The following ODAPH variants were observed in gnomAD, a reference collection of about 807,000 sequenced individuals.
ODAPH encodes the protein odontogenesis associated phosphoprotein.
Under a neutral mutation model 2.8 loss-of-function variants are expected in ODAPH, and 2 were observed. The observed-to-expected ratio is 0.72, with a 90% CI of 0.30 to 2.28. The LOEUF (loss-of-function observed/expected upper bound fraction) is 2.28. ODAPH is among the 30% of genes most tolerant of loss of function. ODAPH has a pLI of 0.13. For synonymous variants in ODAPH, 75 were observed against 60.3 expected, an observed-to-expected ratio of 1.24 and a Z score of -1.13; for missense variants, 159 against 163.3, an observed-to-expected ratio of 0.97 and a Z score of 0.14.
chr4:75,558,523 AAAG>A (rs931559890), intron 1 of ODAPH, among the ~76,000 whole-genome samples: 12 of 152,026 alleles, frequency 7.9e-5, no homozygotes, highest in African/African-American at 2.7e-4. Context: ...AAAAAAAAAA[AAAG>A]GTCTTTCATC....
At chr4:75,563,858 G>T (rs972393607) in intron 1 of ODAPH, among the ~76,000 whole-genome samples, 3 of 152,072 alleles carry the variant, frequency 2.0e-5, no homozygotes, top group African/African-American at 7.2e-5. Context: ...TATGAATAAG[G>T]CTACTGTGAA....
rs141145591 is a variant in ODAPH at position 75,556,713 on chromosome 4, T to A, written c.67+564T>A. 1.8e-5 allele frequency: 13 copies of A among 712,074 alleles called. No individual in the cohort carries two copies. The Middle Eastern group carries it at 8.1e-4, about 45-fold the overall frequency. 44.1% of individuals were successfully genotyped at this position (712,074 alleles called of 1,614,324 possible). ...AGATTCCATTTCTCAACTGTTCCTATTCTCTTTCTTTGTTCCCACTACAAA... is the reference window on the plus strand; with the variant it reads ...AGATTCCATTTCTCAACTGTTCCTAATCTCTTTCTTTGTTCCCACTACAAA... On this transcript the variant is annotated intron_variant, in intron 1 of 1. Coordinates refer to ENST00000311623, the MANE Select transcript of ODAPH (RefSeq NM_178497.5).
Position 75,564,624 on chromosome 4 carries a change from T to C in ODAPH, c.*185T>C. On this transcript the variant is annotated 3_prime_UTR_variant, in exon 2 of 2. Coordinates refer to ENST00000311623, the MANE Select transcript of ODAPH (RefSeq NM_178497.5). The stretch of plus-strand genomic sequence containing the variant: ...AGTGAAGATATTGGATCATAGGTTA[T>C]TGATGGTTGCAAAATTGGACAATAA... The C allele has an allele frequency of 1.5e-6, 2 of 1,327,366 alleles. No homozygotes were observed. The highest frequency in any genetic ancestry group is 2.0e-6 in the Non-Finnish European group (2 of 986,370). 82.2% of individuals were successfully genotyped at this position (1,327,366 alleles called of 1,614,324 possible).
rs898791397 is a variant in ODAPH, at chr4:75,562,944, CT to C, written c.68-1163del. 7.3e-5 allele frequency among the ~76,000 whole-genome samples: 9 copies of C among 122,684 alleles called. No individual in the cohort carries two copies. In the East Asian group the frequency reaches 8.1e-4, roughly 11 times the overall value. 80.5% of individuals were successfully genotyped at this position (122,684 alleles called of 152,430 possible). On this transcript the variant is annotated intron_variant, in intron 1 of 1. Transcript: ENST00000311623. Reference sequence around the variant, plus strand: ...TTATTTTCTTAACATTAATTAAGTTCTTTTTTTCAGCTGAATTTTCTTTATT... The same window carrying C: ...TTATTTTCTTAACATTAATTAAGTTCTTTTTTCAGCTGAATTTTCTTTATT...
At chr4:75,559,907 T>C (rs1414008426) in intron 1 of ODAPH, among the ~76,000 whole-genome samples, 1 of 152,050 alleles carries the variant, frequency 6.6e-6, no homozygotes, top group African/African-American at 2.4e-5. Flanking sequence ...AGCTGATGAG[T>C]ATGATGAAAG....
chr4:75,560,050 G>T (rs1470876762), intron 1 of ODAPH, among the ~76,000 whole-genome samples: 1 of 152,128 alleles, frequency 6.6e-6, no homozygotes, highest in African/African-American at 2.4e-5. Flanking sequence ...GAGTGCTCTG[G>T]GCATCTGCAA....
At chr4:75,565,760 G>GA (rs542834885), downstream of ODAPH, 101 of 141,778 alleles carry the variant, frequency 7.1e-4, 1 homozygote, top group Non-Finnish European at 8.2e-4. Context: ...TACAAAAACA[G>GA]AAAAAAAAAA....
chr4:75,561,173 G>A (rs567380199), intron 1 of ODAPH, among the ~76,000 whole-genome samples: 2 of 136,628 alleles, frequency 1.5e-5, no homozygotes, highest in South Asian at 2.4e-4. Flanking sequence ...GCAGTGAGCC[G>A]AGATCGCGCC....
At chr4:75,561,213 A>G (rs1266679264) in intron 1 of ODAPH, among the ~76,000 whole-genome samples, 7 of 134,476 alleles carry the variant, frequency 5.2e-5, no homozygotes, top group South Asian at 2.4e-4. Flanking sequence ...AACAGAGCGA[A>G]ACTCAATCTC....
At chr4:75,558,974 G>A (rs1560559771) in intron 1 of ODAPH, among the ~76,000 whole-genome samples, 1 of 152,208 alleles carries the variant, frequency 6.6e-6, no homozygotes, top group Non-Finnish European at 1.5e-5. Flanking sequence ...GGGATTATAA[G>A]TGTAAGCCAC....
At position 75,564,223 on chromosome 4, in the gene ODAPH, A is replaced by G; in HGVS notation, c.177A>G (p.Thr59=). The part of the protein sequence containing the change: ...TPPPAPRSPV[T]RAQPITKTPR... ...CACCTGCCCCGAGGAGTCCGGTCAC[A>G]AGGGCCCAGCCCATCACAAAGACAC... The change falls in exon 2 of 2, where the codon ACA becomes ACG. Residue 59 remains threonine, a synonymous_variant. Coordinates refer to ENST00000311623, the MANE Select transcript of ODAPH (RefSeq NM_178497.5). 6.2e-7 allele frequency: 1 copy of G among 1,614,210 alleles called. No individual in the cohort carries two copies. Among genetic ancestry groups the G allele is most frequent in the Non-Finnish European group, 8.5e-7 (1 of 1,180,034 alleles).
At chr4:75,561,092 C>G (rs951760644) in intron 1 of ODAPH, among the ~76,000 whole-genome samples, 1 of 151,960 alleles carries the variant, frequency 6.6e-6, no homozygotes, top group Non-Finnish European at 1.5e-5. Context: ...GGCGTGGTGG[C>G]GCGCGCCTGT....
chr4:75,561,796 G>A (rs563303546), intron 1 of ODAPH, among the ~76,000 whole-genome samples: 3 of 151,388 alleles, frequency 2.0e-5, no homozygotes, highest in Non-Finnish European at 4.4e-5. Flanking sequence ...GCAGTGAGCC[G>A]AGATCTCACC....
At position 75,564,317 on chromosome 4, in the gene ODAPH, G is replaced by C. The variant is rs531246901; in HGVS notation, c.271G>C (p.Val91Leu). 1.2e-6 allele frequency: 2 copies of C among 1,613,966 alleles called. No homozygotes were observed. Among genetic ancestry groups the C allele is most frequent in the South Asian group, 1.1e-5 (1 of 91,080 alleles). ...IHFRFPNRPFVPSRCNHRFPF... is the reference protein window; with the variant it reads ...IHFRFPNRPFLPSRCNHRFPF... ...TTTTAGGTTTCCAAACAGACCTTTC[G>C]TCCCTTCAAGGTGTAACCACCGTTT... Residue 91 changes from valine (V) to leucine (L), a missense_variant, in exon 2 of 2, where the codon GTC becomes CTC. Coordinates refer to ENST00000311623, the MANE Select transcript of ODAPH (RefSeq NM_178497.5).
intron 1 of ODAPH, among the ~76,000 whole-genome samples, chr4:75,558,826 G>T (rs1460399050): frequency 6.6e-6 from 1 of 152,138 alleles, no homozygotes; most frequent in Non-Finnish European, 1.5e-5. Context: ...CTCCAGAGTA[G>T]CTGGGATTAC....
intron 1 of ODAPH, among the ~76,000 whole-genome samples, chr4:75,556,376 A>G (rs1727339509): frequency 6.6e-6 from 1 of 152,234 alleles, no homozygotes; most frequent in African/African-American, 2.4e-5. Flanking sequence ...ATCTCTGAGT[A>G]TCAGATTCCT....
intron 1 of ODAPH, among the ~76,000 whole-genome samples, chr4:75,558,989 C>T (rs938952910): frequency 3.3e-5 from 5 of 152,200 alleles, no homozygotes; most frequent in African/African-American, 1.2e-4. Context: ...AGCCACCACG[C>T]CCAGCCAATT....
intron 1 of ODAPH, among the ~76,000 whole-genome samples, chr4:75,557,593 C>A (rs1239028945): frequency 6.6e-6 from 1 of 152,154 alleles, no homozygotes; most frequent in Non-Finnish European, 1.5e-5. Context: ...GAGCCAAGAT[C>A]GTGCCATTGC....
chr4:75,558,997 A>G (rs1347554200), intron 1 of ODAPH, among the ~76,000 whole-genome samples: 2 of 152,166 alleles, frequency 1.3e-5, no homozygotes, highest in Admixed American at 6.5e-5. Context: ...CGCCCAGCCA[A>G]TTTTTAATAT....
Sources: gnomAD v4.1 joint callset for allele counts (sites outside exome capture counted in the v4.1 genomes callset) on GRCh38, gnomAD v4.1.1 for gene constraint, MANE v1.5 for transcripts, NCBI Gene and HGNC (gene_info 2026-07-23, HGNC 2026-07-21) for gene names.